Variants in CACNB2 observed in about 807,000 individuals in gnomAD.
CACNB2 encodes calcium voltage-gated channel auxiliary subunit beta 2.
A neutral mutation model predicts 73.3 loss-of-function variants in CACNB2; 42 were observed. That is an observed-to-expected ratio of 0.57 (90% CI 0.45 to 0.74). The LOEUF (loss-of-function observed/expected upper bound fraction) is 0.74. Among genes scored for constraint, CACNB2 ranks in the 30% least tolerant of loss-of-function variants. The probability of loss-of-function intolerance (pLI) is 0.00; values close to 1 mark genes in which losing one functional copy is unlikely to be tolerated. For synonymous variants in CACNB2, 348 were observed against 310.3 expected (o/e 1.12, Z -1.28); for missense variants, 940 against 853.0 (o/e 1.10, Z -1.27).
chr10:18,343,344 G>T (rs571954174), intron 2 of CACNB2, among the ~76,000 whole-genome samples: 1 of 151,636 alleles, frequency 6.6e-6, no homozygotes, highest in South Asian at 2.1e-4. Context: ...CGTAATTTTT[G>T]TTTTTTCTGA....
chr10:18,296,445 C>T (rs536207706), intron 2 of CACNB2, among the ~76,000 whole-genome samples: 6 of 152,116 alleles, frequency 3.9e-5, no homozygotes, highest in Non-Finnish European at 7.4e-5. Flanking sequence ...GACACTCATA[C>T]GTTGAGAGAG....
intron 3 of CACNB2, among the ~76,000 whole-genome samples, chr10:18,415,480 A>C (rs1238109397): frequency 7.1e-6 from 1 of 140,990 alleles, no homozygotes; most frequent in Admixed American, 7.1e-5. Context: ...AAAAAAAAAA[A>C]CAAAGAAAAG....
In CACNB2 at chr10:18,538,239, C is replaced by T. The variant is rs769870567; in HGVS notation, c.1362C>T (p.Ala454=). The T allele has an allele frequency of 6.8e-6, 11 of 1,613,940 alleles. No homozygotes were observed. Among genetic ancestry groups the T allele is most frequent in the Middle Eastern group, 1.6e-4 (1 of 6,084 alleles). ...TTGAGGATGCCTGTGAGCACCTTGC[C>T]GACTATCTGGAGGCCTACTGGAAGG... ...NQLEDACEHL[A]DYLEAYWKAT... Residue 454 remains alanine, a synonymous_variant, in exon 13 of 14, where the codon GCC becomes GCT. Coordinates refer to ENST00000324631, the MANE Select transcript of CACNB2 (RefSeq NM_201596.3).
chr10:18,152,717 AAAAAAAAAAAAAAAACAAAAAAC>A (rs936770679), intron 2 of CACNB2, among the ~76,000 whole-genome samples: 2 of 129,166 alleles, frequency 1.5e-5, no homozygotes, highest in Admixed American at 7.2e-5. Flanking sequence ...ACCAAAAAAA[AAAAAAAAAAAAAAAACAAAAAAC>A]AAAACACTAG....
intron 2 of CACNB2, among the ~76,000 whole-genome samples, chr10:18,181,395 A>G (rs2033872175): frequency 6.6e-6 from 1 of 152,070 alleles, no homozygotes; most frequent in African/African-American, 2.4e-5. Context: ...GAGAAGATGC[A>G]AGACTGTAGC....
At chr10:18,361,528 C>A (rs1002143431) in intron 2 of CACNB2, among the ~76,000 whole-genome samples, 9 of 147,466 alleles carry the variant, frequency 6.1e-5, no homozygotes, top group Non-Finnish European at 1.3e-4. Context: ...AAAGAAAAAA[C>A]AATTCCAGTC....
intron 3 of CACNB2, among the ~76,000 whole-genome samples, chr10:18,435,285 C>G (rs1454205160): frequency 6.6e-6 from 1 of 152,132 alleles, no homozygotes; most frequent in Admixed American, 6.5e-5. Context: ...TAGTGCCGAG[C>G]TGACAATAGG....
intron 3 of CACNB2, among the ~76,000 whole-genome samples, chr10:18,452,872 G>A (rs1309804473): frequency 6.6e-6 from 1 of 152,186 alleles, no homozygotes; most frequent in Non-Finnish European, 1.5e-5. Context: ...CTATACCTTA[G>A]TGCAGAAGGA....
chr10:18,447,201 G>C (rs1038372352), intron 3 of CACNB2, among the ~76,000 whole-genome samples: 5 of 149,882 alleles, frequency 3.3e-5, no homozygotes, highest in Non-Finnish European at 6.0e-5. Context: ...GTTGACATTA[G>C]AATATGGTTT....
chr10:18,494,518 G>C (rs1012176145), intron 3 of CACNB2, among the ~76,000 whole-genome samples: 1 of 151,694 alleles, frequency 6.6e-6, no homozygotes, highest in African/African-American at 2.4e-5. Context: ...TGTAGTCCCA[G>C]CTACTCGGGA....
At chr10:18,358,497 GCTCTCTCTCTCTCTCTCTCTCT>G (rs59205683) in intron 2 of CACNB2, among the ~76,000 whole-genome samples, 13 of 104,336 alleles carry the variant, frequency 1.2e-4, no homozygotes, top group East Asian at 4.2e-4. Flanking sequence ...TAATGAGCAC[GCTCTCTCTCTCTCTCTCTCTCT>G]CTCTCTCTCT....
At chr10:18,231,819 G>A (rs1482087770) in intron 2 of CACNB2, among the ~76,000 whole-genome samples, 2 of 152,176 alleles carry the variant, frequency 1.3e-5, no homozygotes, top group Admixed American at 1.3e-4. Context: ...TGTTCACTGT[G>A]TATGTCTCAA....
rs752108914 is a variant in CACNB2, at chr10:18,538,192, G to A, written c.1315G>A (p.Val439Met). 1.2e-6 allele frequency: 2 copies of A among 1,614,100 alleles called. No homozygotes were observed. Among genetic ancestry groups the A allele is most frequent in the East Asian group, 4.5e-5 (2 of 44,862 alleles). The change falls in exon 13 of 14, where the codon GTG becomes ATG. Residue 439 changes from valine (V) to methionine (M), a missense_variant. By Grantham distance (21) the Val-to-Met change is conservative (BLOSUM62 1). Coordinates refer to ENST00000324631, the MANE Select transcript of CACNB2 (RefSeq NM_201596.3). The stretch of plus-strand genomic sequence containing the variant: ...TCTGCCTCTGCAGGAGCTGTTCGAT[G>A]TGATCTTGGATGAGAACCAGCTTGA... ...LAQCPPELFD[V>M]ILDENQLEDA...
In CACNB2 at chr10:18,540,176, T is replaced by C. The variant is rs1430421347; in HGVS notation, c.*452T>C. The C allele has an allele frequency of 1.1e-5, 2 of 185,998 alleles. No homozygotes were observed. The highest frequency in any genetic ancestry group is 2.3e-5 in the Non-Finnish European group (2 of 88,462). The allele number at this position is 185,998 out of a possible 1,614,324, so 11.5% of individuals were successfully genotyped here. A position where few individuals can be genotyped will look rare whatever the true frequency, so the allele number is the denominator to read the frequency against. On this transcript the variant is annotated 3_prime_UTR_variant, in exon 14 of 14. Transcript: ENST00000324631. Reference sequence around the variant, plus strand: ...TTCATGGACCACTGTTTCTTGCTTGTACCTCTGGCTGACTAAATTTGGGGA... The same window carrying C: ...TTCATGGACCACTGTTTCTTGCTTGCACCTCTGGCTGACTAAATTTGGGGA...
chr10:18,147,461 TGACTTTTGG>T (rs1198819062), intron 1 of CACNB2, among the ~76,000 whole-genome samples: 5 of 152,272 alleles, frequency 3.3e-5, no homozygotes, highest in African/African-American at 1.2e-4. Context: ...TGGAAATTAG[TGACTTTTGG>T]GACTCTTTCA....
At chr10:18,188,467 C>T (rs979568574) in intron 2 of CACNB2, among the ~76,000 whole-genome samples, 2 of 152,112 alleles carry the variant, frequency 1.3e-5, no homozygotes, top group African/African-American at 4.8e-5. Flanking sequence ...CAAATGCCAA[C>T]ATGCCTGGCT....
intron 2 of CACNB2, among the ~76,000 whole-genome samples, chr10:18,310,630 TA>T (rs760799280): frequency 1.9e-4 from 19 of 99,448 alleles, no homozygotes; most frequent in African/African-American, 3.4e-4. Flanking sequence ...AAAAAAAAAG[TA>T]AAAAAAAAAA....
At chr10:18,272,608 G>C (rs183811173) in intron 2 of CACNB2, among the ~76,000 whole-genome samples, 1 of 152,048 alleles carries the variant, frequency 6.6e-6, no homozygotes, top group African/African-American at 2.4e-5. Flanking sequence ...TTGAATCATG[G>C]GGGCAGATTT....
intron 3 of CACNB2, among the ~76,000 whole-genome samples, chr10:18,424,338 A>G (rs1348024926): frequency 6.6e-6 from 1 of 152,210 alleles, no homozygotes; most frequent in Non-Finnish European, 1.5e-5. Flanking sequence ...TCGTATTCAT[A>G]CGCACTTTCA....
Sources: gnomAD v4.1 joint callset for allele counts (sites outside exome capture counted in the v4.1 genomes callset) on GRCh38, gnomAD v4.1.1 for gene constraint, MANE v1.5 for transcripts, NCBI Gene and HGNC (gene_info 2026-07-23, HGNC 2026-07-21) for gene names.